Variants in NALF1 observed in about 807,000 individuals in gnomAD.
NALF1 encodes the protein family with sequence similarity 155 member A.
NALF1 carries 3 observed loss-of-function variants against 48.4 expected under a neutral mutation model. That is an observed-to-expected ratio of 0.06 (90% CI 0.03 to 0.16). The LOEUF is 0.16. NALF1 is among the 10% of genes least tolerant of loss of function. NALF1 has a pLI of 1.00. For missense variants in NALF1, 526 were observed against 571.5 expected (o/e 0.92, Z 0.81); for synonymous variants, 262 against 245.7 (o/e 1.07, Z -0.62).
intron 1 of NALF1, among the ~76,000 whole-genome samples, chr13:107,525,912 C>T (rs565638846): frequency 2.6e-5 from 4 of 151,902 alleles, no homozygotes; most frequent in African/African-American, 9.7e-5. Flanking sequence ...ACATTTTGTG[C>T]TTATTTACTA....
intron 1 of NALF1, among the ~76,000 whole-genome samples, chr13:107,663,762 T>C (rs1880786605): frequency 6.6e-6 from 1 of 152,224 alleles, no homozygotes; most frequent in South Asian, 2.1e-4. Flanking sequence ...CTAGAGCTAT[T>C]GGCATGATTT....
chr13:107,422,271 C>G (rs182503593), intron 1 of NALF1, among the ~76,000 whole-genome samples: 36 of 152,220 alleles, frequency 2.4e-4, no homozygotes, highest in Admixed American at 1.1e-3. Flanking sequence ...AAAATATGCT[C>G]TTTATTGTTT....
At chr13:107,236,725 CTATCTATCTAT>C (rs1880356429) in intron 1 of NALF1, among the ~76,000 whole-genome samples, 2 of 144,086 alleles carry the variant, frequency 1.4e-5, no homozygotes, top group Admixed American at 7.0e-5. Flanking sequence ...ATCTATCTAT[CTATCTATCTAT>C]CATCTACAGT....
intron 1 of NALF1, among the ~76,000 whole-genome samples, chr13:107,791,784 C>CA (rs376229742): frequency 1.3e-5 from 2 of 151,794 alleles, no homozygotes; most frequent in East Asian, 2.0e-4. Flanking sequence ...TCCCCGCCCC[C>CA]CCCCGTCTCT....
intron 1 of NALF1, 34 bp downstream of exon 1, chr13:107,865,648 T>A: frequency 6.3e-7 from 1 of 1,597,718 alleles, no homozygotes; most frequent in Non-Finnish European, 8.5e-7. Context: ...GATAGGAAAG[T>A]GCAGGAAAGG....
intron 1 of NALF1, among the ~76,000 whole-genome samples, chr13:107,775,359 T>C (rs1358669473): frequency 6.7e-6 from 1 of 149,880 alleles, no homozygotes; most frequent in Non-Finnish European, 1.5e-5. Flanking sequence ...TCCAATTTCA[T>C]CCATGTCCCT....
chr13:107,562,715 C>A, intron 1 of NALF1, among the ~76,000 whole-genome samples: 1 of 152,172 alleles, frequency 6.6e-6, no homozygotes, highest in East Asian at 1.9e-4. Context: ...CTTTAGACAT[C>A]TTTTGACTAT....
chr13:107,410,589 C>T (rs184819237), intron 1 of NALF1, among the ~76,000 whole-genome samples: 10 of 152,054 alleles, frequency 6.6e-5, no homozygotes, highest in East Asian at 1.9e-4. Flanking sequence ...CATACACACA[C>T]GACAATGCTG....
intron 1 of NALF1, among the ~76,000 whole-genome samples, chr13:107,298,210 T>C (rs1056463132): frequency 6.6e-6 from 1 of 150,584 alleles, no homozygotes; most frequent in African/African-American, 2.4e-5. Flanking sequence ...ATTAGCCGGG[T>C]GTGTTGGCGG....
intron 1 of NALF1, among the ~76,000 whole-genome samples, chr13:107,314,562 G>A (rs1401672368): frequency 6.6e-6 from 1 of 152,044 alleles, no homozygotes; most frequent in Non-Finnish European, 1.5e-5. Flanking sequence ...CCCTTGAATA[G>A]AATGTACTCT....
chr13:107,315,213 T>C (rs72650527), intron 1 of NALF1, among the ~76,000 whole-genome samples: 6,639 of 152,164 alleles, frequency 0.044, 229 homozygotes, highest in East Asian at 0.19. Flanking sequence ...TATACAGTAA[T>C]ACATTCTTTG....
intron 1 of NALF1, among the ~76,000 whole-genome samples, chr13:107,764,744 T>C (rs1199255948): frequency 6.6e-6 from 1 of 152,152 alleles, no homozygotes; most frequent in Non-Finnish European, 1.5e-5. Context: ...GTATGATTGG[T>C]GCAAACAGTG....
At chr13:107,183,577 A>C (rs1879110859) in intron 2 of NALF1, among the ~76,000 whole-genome samples, 1 of 152,226 alleles carries the variant, frequency 6.6e-6, no homozygotes, top group Non-Finnish European at 1.5e-5. Flanking sequence ...ACAATAGCAA[A>C]GATGTGGAAC....
chr13:107,320,369 A>C (rs1882230886), intron 1 of NALF1, among the ~76,000 whole-genome samples: 1 of 152,152 alleles, frequency 6.6e-6, no homozygotes, highest in South Asian at 2.1e-4. Flanking sequence ...AAACTTAACC[A>C]ACAAAATCAT....
At chr13:107,556,272 CATATAT>C (rs56407804) in intron 1 of NALF1, among the ~76,000 whole-genome samples, 1,450 of 131,154 alleles carry the variant, frequency 0.011, 13 homozygotes, top group Admixed American at 0.02. Flanking sequence ...TCTCTCTCAA[CATATAT>C]ATATATATAT....
chr13:107,502,563 T>C (rs938174612), intron 1 of NALF1, among the ~76,000 whole-genome samples: 5 of 152,146 alleles, frequency 3.3e-5, no homozygotes, highest in Admixed American at 3.3e-4. Context: ...ACCTTGAACA[T>C]TCTAAACTCC....
At chr13:107,828,224 C>A (rs1879580173) in intron 1 of NALF1, among the ~76,000 whole-genome samples, 1 of 152,122 alleles carries the variant, frequency 6.6e-6, no homozygotes. Context: ...GAGTGAAGGT[C>A]CCTTTTAGTA....
At position 107,308,001 on chromosome 13, in the gene NALF1, G is replaced by A. The variant is rs144556051; in HGVS notation, c.916-97246C>T. ...GATGTAATTTACAACTGGCATTAAC[G>A]CTGTCATGATTATCTTCTAAAGAGC... On this transcript the variant is annotated intron_variant, in intron 1 of 2. Transcript: ENST00000375915. Among the ~76,000 whole-genome samples the A allele has an allele frequency of 1.9e-3, 289 of 152,062 alleles. 2 individuals carry two copies. The highest frequency in any genetic ancestry group is 0.013 in the Admixed American group (204 of 15,264).
chr13:107,246,525 T>G (rs950157280), intron 1 of NALF1, among the ~76,000 whole-genome samples: 3 of 152,176 alleles, frequency 2.0e-5, no homozygotes, highest in African/African-American at 7.2e-5. Context: ...TTTCTGTTTT[T>G]CAGAGCAGGG....
Sources: gnomAD v4.1 joint callset for allele counts (sites outside exome capture counted in the v4.1 genomes callset) on GRCh38, gnomAD v4.1.1 for gene constraint, MANE v1.5 for transcripts, NCBI Gene and HGNC (gene_info 2026-07-23, HGNC 2026-07-21) for gene names.